Variants in RIMS1 observed in about 807,000 individuals in gnomAD.
RIMS1 encodes regulating synaptic membrane exocytosis protein 1.
Under a neutral mutation model 214.1 loss-of-function variants are expected in RIMS1, and 83 were observed. The observed-to-expected ratio is 0.39, with a 90% CI of 0.32 to 0.47. The LOEUF (loss-of-function observed/expected upper bound fraction) is 0.47, where lower values mean the gene tolerates loss of function less well. Ranked by LOEUF, RIMS1 falls within the 20% of genes least tolerant of loss-of-function variation. RIMS1 has a pLI of 0.99. For missense variants in RIMS1, 2,050 were observed against 2,161.8 expected (o/e 0.95, Z 1.03); for synonymous variants, 793 against 786.8 (o/e 1.01, Z -0.13).
Position 72,307,368 on chromosome 6 carries a change from A to G in RIMS1, c.3961A>G (p.Lys1321Glu), listed in dbSNP as rs1172591720. ...AGAACTTGATCGCGAGCAATATTCCAAGGTAAAATTAGTAGTATCCAACAA... is the reference window on the plus strand; with the variant it reads ...AGAACTTGATCGCGAGCAATATTCCGAGGTAAAATTAGTAGTATCCAACAA... ...SQELDREQYS[K>E]YNIHKDQYRS... Residue 1321 changes from lysine (K) to glutamate (E), a missense_variant and splice_region_variant, in exon 27 of 34, where the codon AAG becomes GAG. This residue lies in a region of RIMS1 where 889 missense variants were observed against 885.5 expected (regional missense o/e 1.00). Coordinates refer to ENST00000521978, the MANE Select transcript of RIMS1 (RefSeq NM_014989.7). 1.3e-6 allele frequency: 2 copies of G among 1,579,350 alleles called. No individual in the cohort carries two copies. The highest frequency in any genetic ancestry group is 2.3e-5 in the South Asian group (2 of 86,436).
intron 23 of RIMS1, 53 bp from the exon 24 acceptor site, chr6:72,283,994 G>A (rs1033515756): frequency 4.4e-6 from 6 of 1,377,688 alleles, no homozygotes; most frequent in Non-Finnish European, 6.2e-6. Flanking sequence ...ATTGTATGAT[G>A]TTAATGTAGC....
intron 1 of RIMS1, among the ~76,000 whole-genome samples, chr6:71,939,454 C>T (rs946484756): frequency 5.3e-5 from 8 of 152,142 alleles, no homozygotes; most frequent in African/African-American, 1.9e-4. Flanking sequence ...AGCAACAAGC[C>T]CTCTTCCAGT....
chr6:71,992,394 TTCTC>T (rs377623445), intron 2 of RIMS1, among the ~76,000 whole-genome samples: 118 of 98,088 alleles, frequency 1.2e-3, no homozygotes, highest in Admixed American at 2.3e-3. Context: ...GCTTCTTTCT[TTCTC>T]TCTCTCTCTT....
chr6:72,285,369 A>G (rs2091935607), intron 24 of RIMS1, among the ~76,000 whole-genome samples: 1 of 152,242 alleles, frequency 6.6e-6, no homozygotes. Context: ...TTCAGTTAAC[A>G]GATATATACC....
At chr6:72,100,305 A>G (rs2033224538) in intron 4 of RIMS1, among the ~76,000 whole-genome samples, 1 of 152,056 alleles carries the variant, frequency 6.6e-6, no homozygotes, top group African/African-American at 2.4e-5. Context: ...AATAAATTCT[A>G]ATGGGCTCTA....
At chr6:72,079,451 A>G (rs920893119) in intron 2 of RIMS1, among the ~76,000 whole-genome samples, 1 of 152,196 alleles carries the variant, frequency 6.6e-6, no homozygotes, top group African/African-American at 2.4e-5. Flanking sequence ...ATAATATATT[A>G]TCATACTTCT....
chr6:72,119,424 T>A (rs2037761571), intron 4 of RIMS1, among the ~76,000 whole-genome samples: 1 of 151,364 alleles, frequency 6.6e-6, no homozygotes, highest in Admixed American at 6.6e-5. Context: ...ATTCCCATCA[T>A]CATTCTTCAC....
chr6:71,993,784 T>C (rs973241696), intron 2 of RIMS1, among the ~76,000 whole-genome samples: 5 of 152,204 alleles, frequency 3.3e-5, no homozygotes, highest in African/African-American at 1.2e-4. Flanking sequence ...GGAGATTCTA[T>C]CTAGATTTCA....
chr6:72,260,506 A>C (rs1475381780), intron 18 of RIMS1, among the ~76,000 whole-genome samples, 199 bp from the exon 19 acceptor site: 2 of 152,080 alleles, frequency 1.3e-5, no homozygotes, highest in Non-Finnish European at 2.9e-5. Context: ...AACAGCTAGG[A>C]CTTCAACCAT....
At chr6:72,166,433 T>A (rs1336557517) in intron 4 of RIMS1, among the ~76,000 whole-genome samples, 3 of 152,116 alleles carry the variant, frequency 2.0e-5, no homozygotes, top group African/African-American at 7.2e-5. Flanking sequence ...AGCTTCAACA[T>A]ACAAATTTTG....
chr6:71,989,864 TC>T (rs1206335410), intron 2 of RIMS1, among the ~76,000 whole-genome samples: 1 of 152,144 alleles, frequency 6.6e-6, no homozygotes, highest in Non-Finnish European at 1.5e-5. Flanking sequence ...CTAAGCCTGC[TC>T]CTCCAACCCC....
chr6:72,137,807 G>A (rs1483028299), intron 4 of RIMS1, among the ~76,000 whole-genome samples: 1 of 150,156 alleles, frequency 6.7e-6, no homozygotes, highest in African/African-American at 2.5e-5. Flanking sequence ...CACGATCTCG[G>A]CTCACTGCAA....
At chr6:72,258,920 T>C (rs2076917133) in intron 17 of RIMS1, 66 bp from the exon 18 acceptor site, 34 of 1,487,786 alleles carry the variant, frequency 2.3e-5, no homozygotes, top group Middle Eastern at 1.7e-4. Flanking sequence ...TCCTTCACTT[T>C]AGTCTGTCTG....
chr6:72,065,267 A>C (rs935348314), intron 2 of RIMS1, among the ~76,000 whole-genome samples: 1 of 152,160 alleles, frequency 6.6e-6, no homozygotes, highest in Non-Finnish European at 1.5e-5. Flanking sequence ...TCTCATCTGC[A>C]CTTGTATTAC....
chr6:72,171,046 A>T (rs898703169), intron 4 of RIMS1, among the ~76,000 whole-genome samples: 1 of 152,060 alleles, frequency 6.6e-6, no homozygotes, highest in African/African-American at 2.4e-5. Context: ...GATAATGAGA[A>T]CGTCAGCAAA....
chr6:72,183,218 C>T (rs1434462394), intron 6 of RIMS1, 69 bp downstream of exon 6: 3 of 1,497,426 alleles, frequency 2.0e-6, no homozygotes. Flanking sequence ...GGTGCAGGTG[C>T]TAGGCTAGTT....
chr6:72,196,816 T>C (rs1336179126), intron 6 of RIMS1, among the ~76,000 whole-genome samples: 1 of 139,878 alleles, frequency 7.1e-6, no homozygotes, highest in East Asian at 2.1e-4. Flanking sequence ...CATGAGGGTG[T>C]GGTGGTGGAG....
intron 1 of RIMS1, among the ~76,000 whole-genome samples, chr6:71,930,367 T>C (rs1782689113): frequency 6.6e-6 from 1 of 151,988 alleles, no homozygotes; most frequent in African/African-American, 2.4e-5. Flanking sequence ...AACAATAAGG[T>C]TATTATAATA....
chr6:72,347,694 CA>C (rs1446881928), intron 29 of RIMS1, among the ~76,000 whole-genome samples: 2 of 151,878 alleles, frequency 1.3e-5, no homozygotes, highest in African/African-American at 4.8e-5. Flanking sequence ...TCACAGAACA[CA>C]ACTTAAAGCT....
Sources: gnomAD v4.1 joint callset for allele counts (sites outside exome capture counted in the v4.1 genomes callset) on GRCh38, gnomAD v4.1.1 for gene constraint, gnomAD v4.1.1 regional missense constraint, MANE v1.5 for transcripts, NCBI Gene and HGNC (gene_info 2026-07-23, HGNC 2026-07-21) for gene names.